TBC1D9: variants seen among roughly 807,000 people sequenced by gnomAD.
TBC1D9 encodes the protein TBC1 domain family member 9A.
TBC1D9 carries 63 observed loss-of-function variants against 132.0 expected under a neutral mutation model. The observed-to-expected ratio is 0.48, with a 90% CI of 0.39 to 0.59. TBC1D9 has a LOEUF of 0.59. Ranked by LOEUF, TBC1D9 falls within the 20% of genes least tolerant of loss-of-function variation. The pLI, the probability that TBC1D9 is intolerant of heterozygous loss-of-function variation, is 0.00. For synonymous variants in TBC1D9, 610 were observed against 609.9 expected, an observed-to-expected ratio of 1.00 and a Z score of 0.00; for missense variants, 1,261 against 1,592.7, an observed-to-expected ratio of 0.79 and a Z score of 3.54.
chr4:140,688,289 C>A (rs564849168), intron 2 of TBC1D9, among the ~76,000 whole-genome samples: 46 of 152,310 alleles, frequency 3.0e-4, no homozygotes, highest in African/African-American at 1.1e-3. Context: ...GGTACCTCCT[C>A]CTTCTCTGCC....
chr4:140,700,626 G>T lies in TBC1D9; in HGVS notation c.241+878C>A, dbSNP rs555174110. On this transcript the variant is annotated intron_variant, in intron 2 of 20. Coordinates refer to ENST00000442267, the MANE Select transcript of TBC1D9 (RefSeq NM_015130.3). ...CTTTGAGGTCAGGAGTTCGAGACCA[G>T]CCTGGCCAACATGGTGAAACCCCAT... Among the ~76,000 whole-genome samples the T allele has an allele frequency of 7.9e-5, 12 of 152,006 alleles. No individual in the cohort carries two copies. The East Asian group carries it at 2.3e-3, about 29-fold the overall frequency.
At chr4:140,640,451 G>C (rs990286922) in intron 13 of TBC1D9, among the ~76,000 whole-genome samples, 2 of 147,874 alleles carry the variant, frequency 1.4e-5, no homozygotes, top group Admixed American at 6.7e-5. Flanking sequence ...GTGGGGTGGG[G>C]GGGGGAGTAG....
intron 1 of TBC1D9, among the ~76,000 whole-genome samples, chr4:140,739,864 A>G (rs1400625211): frequency 2.0e-5 from 3 of 152,228 alleles, no homozygotes; most frequent in African/African-American, 7.2e-5. Flanking sequence ...TTTAAACAGA[A>G]GCATTAAAAG....
At chr4:140,720,115 C>T (rs183884035) in intron 1 of TBC1D9, among the ~76,000 whole-genome samples, 3 of 152,168 alleles carry the variant, frequency 2.0e-5, no homozygotes, top group South Asian at 2.1e-4. Flanking sequence ...TAAATAGTAC[C>T]GATTGCGGTG....
At chr4:140,748,342 G>A (rs906817101) in intron 1 of TBC1D9, among the ~76,000 whole-genome samples, 1 of 152,076 alleles carries the variant, frequency 6.6e-6, no homozygotes, top group Non-Finnish European at 1.5e-5. Context: ...AAACTTAAAA[G>A]GTAACAGACA....
chr4:140,650,729 T>C (rs1182924611), intron 13 of TBC1D9, among the ~76,000 whole-genome samples: 1 of 151,950 alleles, frequency 6.6e-6, no homozygotes, highest in African/African-American at 2.4e-5. Flanking sequence ...GAGACGGGGT[T>C]TTGCCACGTT....
intron 1 of TBC1D9, among the ~76,000 whole-genome samples, chr4:140,739,533 C>T (rs1457339178): frequency 2.6e-5 from 4 of 152,128 alleles, no homozygotes; most frequent in African/African-American, 9.7e-5. Context: ...AATATCTAAC[C>T]TACAAGGTTA....
At chr4:140,660,993 C>A (rs781681999) in intron 10 of TBC1D9, among the ~76,000 whole-genome samples, 1 of 152,010 alleles carries the variant, frequency 6.6e-6, no homozygotes, top group Admixed American at 6.6e-5. Flanking sequence ...CAGCTCATTG[C>A]AAGCTCCACC....
At chr4:140,651,035 TA>T (rs143915447) in intron 13 of TBC1D9, among the ~76,000 whole-genome samples, 203 of 152,298 alleles carry the variant, frequency 1.3e-3, no homozygotes, top group African/African-American at 4.7e-3. Flanking sequence ...ATAGGGAAAA[TA>T]ATTCCTACCT....
chr4:140,742,911 G>C (rs969865252), intron 1 of TBC1D9, among the ~76,000 whole-genome samples: 1 of 148,210 alleles, frequency 6.7e-6, no homozygotes, highest in Non-Finnish European at 1.5e-5. Flanking sequence ...AGGAGGAGGA[G>C]AAAGAGAAAG....
intron 13 of TBC1D9, among the ~76,000 whole-genome samples, chr4:140,639,830 C>T (rs1270398470): frequency 6.6e-6 from 1 of 152,194 alleles, no homozygotes; most frequent in Non-Finnish European, 1.5e-5. Context: ...CTGCTCCTGA[C>T]CAGTAGGTTC....
At chr4:140,709,144 C>A (rs1344836924) in intron 1 of TBC1D9, among the ~76,000 whole-genome samples, 1 of 151,658 alleles carries the variant, frequency 6.6e-6, no homozygotes, top group East Asian at 1.9e-4. Context: ...CTTCTCATAA[C>A]CCCATTCTAG....
At chr4:140,671,714 G>T (rs1369732776) in intron 6 of TBC1D9, among the ~76,000 whole-genome samples, 3 of 150,856 alleles carry the variant, frequency 2.0e-5, no homozygotes, top group Middle Eastern at 6.8e-3. Flanking sequence ...GTGTGTGTGT[G>T]TGCCGAAGCC....
At chr4:140,753,972 T>C (rs1212612350) in intron 1 of TBC1D9, among the ~76,000 whole-genome samples, 1 of 152,248 alleles carries the variant, frequency 6.6e-6, no homozygotes, top group Non-Finnish European at 1.5e-5. Flanking sequence ...TTGTCATAAA[T>C]ACTTTTACTC....
chr4:140,704,875 C>T (rs1034393145), intron 1 of TBC1D9, among the ~76,000 whole-genome samples: 1 of 152,190 alleles, frequency 6.6e-6, no homozygotes, highest in Admixed American at 6.5e-5. Context: ...GTTCACCAAC[C>T]CTACCTCTGC....
In TBC1D9 at chr4:140,632,976, A is replaced by C. The variant is rs967021009; in HGVS notation, c.2746+972T>G. On this transcript the variant is annotated intron_variant, in intron 16 of 20. Transcript: ENST00000442267. ...GAGTTCTCCCATGTCCCCTCTTTTAAGCGTATAGATGAGTACTTTATACAA... is the reference window on the plus strand; with the variant it reads ...GAGTTCTCCCATGTCCCCTCTTTTACGCGTATAGATGAGTACTTTATACAA... 7.2e-5 allele frequency among the ~76,000 whole-genome samples: 11 copies of C among 152,224 alleles called. 1 individual carries two copies. The highest frequency in any genetic ancestry group is 3.3e-4 in the Admixed American group (5 of 15,274).
At position 140,678,858 on chromosome 4, in the gene TBC1D9, C is replaced by T. The variant is rs140830518; in HGVS notation, c.851+84G>A. The stretch of plus-strand genomic sequence containing the variant: ...AAGAGTGTTCAGAACCCTTGAAGAT[C>T]GTCAGAGAAGGTTACACTGAATAAA... On this transcript the variant is annotated intron_variant, in intron 5 of 20. Transcript: ENST00000442267. 4,396 of 1,473,660 alleles carry T rather than the reference C, an allele frequency of 3.0e-3. 45 individuals are homozygous for T. The highest frequency in any genetic ancestry group is 2.2e-3 in the Non-Finnish European group (2,412 of 1,083,906). The allele number at this position is 1,473,660 out of a possible 1,614,324, so 91.3% of individuals were successfully genotyped here.
At chr4:140,652,963 C>T (rs1230477578) in intron 13 of TBC1D9, among the ~76,000 whole-genome samples, 2 of 152,140 alleles carry the variant, frequency 1.3e-5, no homozygotes, top group African/African-American at 4.8e-5. Context: ...CACTTTAAGG[C>T]CTATTAACAT....
At chr4:140,754,494 A>C (rs1738973122) in intron 1 of TBC1D9, among the ~76,000 whole-genome samples, 1 of 151,774 alleles carries the variant, frequency 6.6e-6, no homozygotes, top group Non-Finnish European at 1.5e-5. Flanking sequence ...GCATGCCTGT[A>C]GTCCCAGCTA....
Sources: allele counts gnomAD v4.1 joint callset (sites outside exome capture counted in the v4.1 genomes callset), GRCh38; gene constraint gnomAD v4.1.1; transcripts MANE v1.5; gene names NCBI Gene and HGNC (gene_info 2026-07-23, HGNC 2026-07-21).